Variants in CHL1 observed in about 807,000 individuals in gnomAD.
CHL1 encodes the protein cell adhesion molecule L1 like.
In CHL1, 96 loss-of-function variants were observed where a neutral mutation model predicts 141.9. That is an observed-to-expected ratio of 0.68 (90% CI 0.57 to 0.80). The LOEUF is 0.80. Among genes scored for constraint, CHL1 ranks in the 30% least tolerant of loss-of-function variants. The pLI is 0.00. For missense variants in CHL1, 1,820 were observed against 1,457.2 expected, an observed-to-expected ratio of 1.25 and a Z score of -4.05; for synonymous variants, 613 against 502.2, an observed-to-expected ratio of 1.22 and a Z score of -2.95.
Position 347,255 on chromosome 3 carries a change from A to G in CHL1, c.849-2104A>G, listed in dbSNP as rs1702844344. 2.0e-5 allele frequency among the ~76,000 whole-genome samples: 3 copies of G among 152,292 alleles called. No individual in the cohort carries two copies. The South Asian group carries it at 6.2e-4, about 32-fold the overall frequency. ...TATAAATAGAGAAATATGCAAATAA[A>G]AGTTGGCCAGACAAGGACCTGAAAA... On this transcript the variant is annotated intron_variant, in intron 9 of 27. Coordinates refer to ENST00000256509, the MANE Select transcript of CHL1 (RefSeq NM_006614.4).
chr3:308,851 TC>T, intron 2 of CHL1: 1 of 164,194 alleles, frequency 6.1e-6, no homozygotes. Flanking sequence ...GAACTGCTCC[TC>T]CAGAAGACTG....
At chr3:334,189 A>G (rs1430967669) in intron 5 of CHL1, among the ~76,000 whole-genome samples, 1 of 152,046 alleles carries the variant, frequency 6.6e-6, no homozygotes, top group Non-Finnish European at 1.5e-5. Flanking sequence ...TATAATTACT[A>G]GTTTTTATAC....
chr3:267,359 C>A (rs546817523), intron 2 of CHL1, among the ~76,000 whole-genome samples: 1 of 152,270 alleles, frequency 6.6e-6, no homozygotes, highest in African/African-American at 2.4e-5. Flanking sequence ...GCATAAGATC[C>A]TAATTAACCA....
intron 10 of CHL1, among the ~76,000 whole-genome samples, chr3:353,713 A>G (rs1703463797): frequency 6.6e-6 from 1 of 152,174 alleles, no homozygotes. Flanking sequence ...GTATACATAC[A>G]TATATCTTTG....
At chr3:338,976 A>C (rs1331971072) in intron 5 of CHL1, among the ~76,000 whole-genome samples, 1 of 152,174 alleles carries the variant, frequency 6.6e-6, no homozygotes, top group Non-Finnish European at 1.5e-5. Context: ...TTTACAATAG[A>C]TATTATCCAG....
intron 2 of CHL1, among the ~76,000 whole-genome samples, chr3:316,716 T>G (rs1436601109): frequency 6.6e-6 from 1 of 151,942 alleles, no homozygotes; most frequent in Non-Finnish European, 1.5e-5. Context: ...CTGATGTAAT[T>G]ATTCCACATT....
At chr3:351,231 C>A (rs1398777741) in intron 10 of CHL1, among the ~76,000 whole-genome samples, 2 of 152,188 alleles carry the variant, frequency 1.3e-5, no homozygotes, top group African/African-American at 4.8e-5. Flanking sequence ...AAAATGTTGA[C>A]TATAGGACTC....
At chr3:363,145 C>A in intron 13 of CHL1, 72 bp from the exon 14 acceptor site, 1 of 1,286,508 alleles carries the variant, frequency 7.8e-7, no homozygotes, top group Non-Finnish European at 1.1e-6. Flanking sequence ...TGAATGACGT[C>A]ACTGACTAGT....
chr3:379,109 C>T lies in CHL1; in HGVS notation c.1876+1167C>T, dbSNP rs77711351. The stretch of plus-strand genomic sequence containing the variant: ...GACCTTTGTGTCTTTAGCACTCCAG[C>T]TGTTGGGGCCACCTGTTAGGTTCCA... On this transcript the variant is annotated intron_variant, in intron 16 of 27. Transcript: ENST00000256509. 5.1e-3 allele frequency among the ~76,000 whole-genome samples: 780 copies of T among 152,190 alleles called. 3 individuals carry two copies. Among genetic ancestry groups the T allele is most frequent in the African/African-American group, 0.018 (742 of 41,516 alleles).
intron 1 of CHL1, among the ~76,000 whole-genome samples, chr3:222,745 T>A (rs1303052398): frequency 6.6e-6 from 1 of 152,196 alleles, no homozygotes; most frequent in African/African-American, 2.4e-5. Context: ...AAACAATTTT[T>A]TTTTTGGTGG....
chr3:381,308 G>A (rs1052322988), intron 16 of CHL1, among the ~76,000 whole-genome samples: 3 of 152,084 alleles, frequency 2.0e-5, no homozygotes, highest in African/African-American at 7.2e-5. Flanking sequence ...GAAAAGAAGG[G>A]TTTTTATGGA....
intron 11 of CHL1, among the ~76,000 whole-genome samples, chr3:359,976 G>T (rs112048873): frequency 2.6e-4 from 39 of 152,116 alleles, no homozygotes; most frequent in African/African-American, 8.9e-4. Context: ...CTTCATCATA[G>T]GTCTTGAATG....
intron 24 of CHL1, among the ~76,000 whole-genome samples, chr3:396,023 A>G (rs1483920366): frequency 2.0e-5 from 3 of 152,208 alleles, no homozygotes; most frequent in Non-Finnish European, 4.4e-5. Context: ...TGCCTACTAT[A>G]TCTAACTAAT....
intron 1 of CHL1, among the ~76,000 whole-genome samples, chr3:238,973 T>TC (rs397731298): frequency 1.3e-5 from 2 of 151,514 alleles, no homozygotes; most frequent in Non-Finnish European, 2.9e-5. Context: ...CTTTTTTTTT[T>TC]GTCTTGTGAG....
chr3:341,502 G>T (rs933046179), intron 6 of CHL1, among the ~76,000 whole-genome samples: 3 of 152,146 alleles, frequency 2.0e-5, no homozygotes, highest in African/African-American at 7.2e-5. Flanking sequence ...AACTTTTGGA[G>T]AGCTTTTTGT....
At chr3:357,913 G>C (rs1476280795) in intron 11 of CHL1, among the ~76,000 whole-genome samples, 1 of 152,160 alleles carries the variant, frequency 6.6e-6, no homozygotes, top group African/African-American at 2.4e-5. Context: ...CCCTGAGTGG[G>C]GTGTGGAAGT....
Position 207,357 on chromosome 3 carries a change from C to A in CHL1, c.-175+10294C>A, listed in dbSNP as rs76522711. Among the ~76,000 whole-genome samples the A allele has an allele frequency of 1.5e-3, 226 of 152,234 alleles. 7 individuals are homozygous for A. In the East Asian group the frequency reaches 0.04, roughly 27 times the overall value. On this transcript the variant is annotated intron_variant, in intron 1 of 27. Transcript: ENST00000256509. ...CTTTTCTATAAAGCTTTTGTTTGAC[C>A]CATACCTGCTTCTCTGGAATACACA...
At chr3:280,659 T>C (rs1696557858) in intron 2 of CHL1, among the ~76,000 whole-genome samples, 1 of 152,102 alleles carries the variant, frequency 6.6e-6, no homozygotes, top group Admixed American at 6.6e-5. Context: ...CTCAAGAGCT[T>C]CCACCATTAG....
rs567507796 is a variant in CHL1 at position 225,526 on chromosome 3, T to C, written c.-174-19087T>C. On this transcript the variant is annotated intron_variant, in intron 1 of 27. Coordinates refer to ENST00000256509, the MANE Select transcript of CHL1 (RefSeq NM_006614.4). ...TATGTGAGAATTAAGAATTAATTGT[T>C]AAAACACATCTTTATATTTCTTTAT... Among the ~76,000 whole-genome samples, 541 of 152,334 alleles carry C rather than the reference T, an allele frequency of 3.6e-3. 5 individuals are homozygous for C. Among genetic ancestry groups the C allele is most frequent in the African/African-American group, 0.012 (516 of 41,580 alleles).
Sources: gnomAD v4.1 joint callset for allele counts (sites outside exome capture counted in the v4.1 genomes callset) on GRCh38, gnomAD v4.1.1 for gene constraint, MANE v1.5 for transcripts, NCBI Gene and HGNC (gene_info 2026-07-23, HGNC 2026-07-21) for gene names.